The following KIAA1328 variants were observed in gnomAD, a reference collection of about 807,000 sequenced individuals.
KIAA1328 encodes the protein protein hinderin.
KIAA1328 carries 52 observed loss-of-function variants against 68.1 expected under a neutral mutation model. That is an observed-to-expected ratio of 0.76 (90% CI 0.61 to 0.96). The LOEUF (loss-of-function observed/expected upper bound fraction) is 0.96. KIAA1328 is among the 40% of genes least tolerant of loss of function. KIAA1328 has a pLI of 0.00. For missense variants in KIAA1328, 641 were observed against 677.6 expected (o/e 0.95, Z 0.60); for synonymous variants, 232 against 239.4 (o/e 0.97, Z 0.28).
intron 4 of KIAA1328, among the ~76,000 whole-genome samples, chr18:36,877,812 G>A (rs1478418966): frequency 3.3e-5 from 5 of 151,358 alleles, no homozygotes; most frequent in Non-Finnish European, 4.4e-5. Context: ...GACTACAGGC[G>A]CCCGCCACAA....
In KIAA1328 at chr18:37,074,585, C is replaced by T. The variant is rs1004525831; in HGVS notation, c.1232+7040C>T. 5.9e-5 allele frequency among the ~76,000 whole-genome samples: 9 copies of T among 152,292 alleles called. No individual in the cohort carries two copies. The East Asian group carries it at 1.2e-3, about 20-fold the overall frequency. On this transcript the variant is annotated intron_variant, in intron 7 of 9. Transcript: ENST00000280020. Reference sequence around the variant, plus strand: ...TACCCTTTCTTCCAGTTGATCGCATCGGCTCCTGAGGCTTCTGCATTGTTC... The same window carrying T: ...TACCCTTTCTTCCAGTTGATCGCATTGGCTCCTGAGGCTTCTGCATTGTTC...
chr18:36,884,680 C>CT (rs1478221332), intron 4 of KIAA1328, among the ~76,000 whole-genome samples: 16 of 152,142 alleles, frequency 1.1e-4, no homozygotes, highest in Admixed American at 1.0e-3. Context: ...ACACCTATTC[C>CT]TGTTATCTTA....
rs563985966 is a variant in KIAA1328, at chr18:36,885,795, G to C, written c.448+123G>C. 1.5e-5 allele frequency: 9 copies of C among 591,224 alleles called. No individual in the cohort carries two copies. The Middle Eastern group carries it at 1.9e-3, about 122-fold the overall frequency. 36.6% of individuals were successfully genotyped at this position (591,224 alleles called of 1,614,324 possible). A position where few individuals can be genotyped will look rare whatever the true frequency, so the allele number is the denominator to read the frequency against. On this transcript the variant is annotated intron_variant, in intron 5 of 9. Transcript: ENST00000280020. ...TGCAATGGTGCGATTTCAGTTCACC[G>C]CAACCTCCACCTCCCGGTTCAAGCG...
At chr18:36,949,233 A>C (rs1262931889) in intron 5 of KIAA1328, among the ~76,000 whole-genome samples, 1 of 152,174 alleles carries the variant, frequency 6.6e-6, no homozygotes, top group Admixed American at 6.5e-5. Context: ...GAAACATAGA[A>C]CTTTTAAACA....
In KIAA1328 at chr18:37,222,744, G is replaced by C; in HGVS notation, c.*517G>C. The C allele has an allele frequency of 1.0e-6, 1 of 993,604 alleles. No individual in the cohort carries two copies. Among genetic ancestry groups the C allele is most frequent in the South Asian group, 4.5e-5 (1 of 22,050 alleles). The allele number at this position is 993,604 out of a possible 1,614,324, so 61.5% of individuals were successfully genotyped here. On this transcript the variant is annotated 3_prime_UTR_variant, in exon 10 of 10. Coordinates refer to ENST00000280020, the MANE Select transcript of KIAA1328 (RefSeq NM_020776.3). ...GTCCTTTAATTCTGAAGTTGGAGTT[G>C]GTGCCCCTGCCATCACAAACAACAC...
chr18:37,194,691 G>C (rs1192467182), intron 9 of KIAA1328, among the ~76,000 whole-genome samples: 2 of 152,080 alleles, frequency 1.3e-5, no homozygotes, highest in Non-Finnish European at 2.9e-5. Flanking sequence ...TTGAGACAAA[G>C]TCTCTGTCGC....
rs148498360 is a variant in KIAA1328, at chr18:37,067,031, A to T, written c.718A>T (p.Ile240Leu). 1 of 1,613,974 alleles carries T rather than the reference A, an allele frequency of 6.2e-7. No individual in the cohort carries two copies. Among genetic ancestry groups the T allele is most frequent in the Non-Finnish European group, 8.5e-7 (1 of 1,179,880 alleles). Reference protein sequence around the residue: ...AVQDSASESLIAFRNNSLKPV... With the variant: ...AVQDSASESLLAFRNNSLKPV... Reference sequence around the variant, plus strand: ...CCAGGATTCAGCTTCAGAATCCCTTATAGCATTTAGGAATAATTCTTTGAA... The same window carrying T: ...CCAGGATTCAGCTTCAGAATCCCTTTTAGCATTTAGGAATAATTCTTTGAA... Residue 240 changes from isoleucine to leucine, a missense_variant, in exon 7 of 10, where the codon ATA becomes TTA. Physicochemically the swap from Ile to Leu is conservative, Grantham distance 5. Transcript: ENST00000280020.
At chr18:36,929,648 G>A (rs1188880518) in intron 5 of KIAA1328, among the ~76,000 whole-genome samples, 1 of 152,034 alleles carries the variant, frequency 6.6e-6, no homozygotes, top group Non-Finnish European at 1.5e-5. Context: ...CTTTTGGGAG[G>A]TAATTAGGTC....
At chr18:37,002,603 C>CA (rs2053631836) in intron 6 of KIAA1328, among the ~76,000 whole-genome samples, 2 of 151,554 alleles carry the variant, frequency 1.3e-5, no homozygotes, top group Admixed American at 6.6e-5. Flanking sequence ...ACAATAGCTC[C>CA]AAAAAATATA....
chr18:36,962,824 TA>T (rs2051746067), intron 6 of KIAA1328, among the ~76,000 whole-genome samples: 1 of 152,192 alleles, frequency 6.6e-6, no homozygotes, highest in Admixed American at 6.5e-5. Context: ...AAGCACTGTG[TA>T]GAGGGAAATT....
In KIAA1328 at chr18:37,032,486, C is replaced by T. The variant is rs1012401875; in HGVS notation, c.577-34404C>T. Among the ~76,000 whole-genome samples the T allele has an allele frequency of 2.6e-5, 4 of 151,836 alleles. No homozygotes were observed. The East Asian group carries it at 7.7e-4, about 29-fold the overall frequency. ...CTGGAGATAGATGTTTGTTTATGGTCATGCAGTTCTTCTGGAATAACTTTT... is the reference window on the plus strand; with the variant it reads ...CTGGAGATAGATGTTTGTTTATGGTTATGCAGTTCTTCTGGAATAACTTTT... On this transcript the variant is annotated intron_variant, in intron 6 of 9. Transcript: ENST00000280020.
chr18:36,941,832 A>G (rs373260782), intron 5 of KIAA1328, among the ~76,000 whole-genome samples: 3 of 152,196 alleles, frequency 2.0e-5, no homozygotes, highest in South Asian at 2.1e-4. Flanking sequence ...TCACCATACC[A>G]TGCAGAATCA....
intron 9 of KIAA1328, among the ~76,000 whole-genome samples, chr18:37,216,047 T>G (rs557542584): frequency 6.6e-6 from 1 of 152,340 alleles, no homozygotes; most frequent in African/African-American, 2.4e-5. Context: ...CTTTTCTTCC[T>G]TATTAATCTT....
intron 6 of KIAA1328, among the ~76,000 whole-genome samples, chr18:36,982,099 TA>T (rs1199880361): frequency 6.2e-5 from 9 of 144,180 alleles, no homozygotes; most frequent in South Asian, 4.3e-4. Context: ...TTATATTATA[TA>T]TAATATAATT....
intron 6 of KIAA1328, among the ~76,000 whole-genome samples, chr18:37,032,507 C>G (rs2054870338): frequency 1.3e-5 from 2 of 151,256 alleles, no homozygotes; most frequent in South Asian, 4.2e-4. Flanking sequence ...TCTGGAATAA[C>G]TTTTTTCATC....
intron 5 of KIAA1328, among the ~76,000 whole-genome samples, chr18:36,914,580 C>A (rs11660434): frequency 6.6e-6 from 1 of 151,800 alleles, no homozygotes; most frequent in Non-Finnish European, 1.5e-5. Context: ...ATTAGCCAGG[C>A]GCAGTGGCGG....
chr18:37,118,728 A>T (rs1420297410), intron 7 of KIAA1328, among the ~76,000 whole-genome samples: 2 of 152,202 alleles, frequency 1.3e-5, no homozygotes, highest in East Asian at 3.9e-4. Context: ...CTAGACCAAC[A>T]GACCCTAAAG....
intron 9 of KIAA1328, among the ~76,000 whole-genome samples, chr18:37,183,983 C>A (rs1427262879): frequency 6.6e-6 from 1 of 152,224 alleles, no homozygotes; most frequent in Admixed American, 6.5e-5. Context: ...ACGTTATGAG[C>A]ATGAGTACTT....
intron 5 of KIAA1328, among the ~76,000 whole-genome samples, chr18:36,914,741 A>T (rs77400956): frequency 0.037 from 5,628 of 152,130 alleles, 213 homozygotes; most frequent in African/African-American, 0.095. Flanking sequence ...TAGATAAAAA[A>T]ATATATATAT....
Sources: gnomAD v4.1 joint callset for allele counts (sites outside exome capture counted in the v4.1 genomes callset) on GRCh38, gnomAD v4.1.1 for gene constraint, MANE v1.5 for transcripts, NCBI Gene and HGNC (gene_info 2026-07-23, HGNC 2026-07-21) for gene names.